FOXN3: variants seen among roughly 807,000 people sequenced by gnomAD.
FOXN3 encodes the protein forkhead box N3.
In FOXN3, 7 loss-of-function variants were observed where a neutral mutation model predicts 38.4. The ratio of observed to expected loss-of-function variants is 0.18; its 90% CI spans 0.10 to 0.34. The LOEUF (loss-of-function observed/expected upper bound fraction) is 0.34. Ranked by LOEUF, FOXN3 falls within the 10% of genes least tolerant of loss-of-function variation. The pLI is 1.00. For synonymous variants in FOXN3, 230 were observed against 242.2 expected, an observed-to-expected ratio of 0.95 and a Z score of 0.47; for missense variants, 456 against 613.4, an observed-to-expected ratio of 0.74 and a Z score of 2.71.
chr14:89,497,119 T>C (rs753793932), intron 1 of FOXN3, among the ~76,000 whole-genome samples: 3 of 151,796 alleles, frequency 2.0e-5, no homozygotes, highest in Non-Finnish European at 4.4e-5. Context: ...CACACCTAGC[T>C]AATTTTTGTA....
At chr14:89,388,665 C>T (rs1387793970) in intron 2 of FOXN3, among the ~76,000 whole-genome samples, 2 of 151,932 alleles carry the variant, frequency 1.3e-5, no homozygotes, top group East Asian at 3.9e-4. Context: ...GCCAGGAAGG[C>T]GAGCAGGAGG....
chr14:89,379,745 C>T (rs1890586045), intron 2 of FOXN3, among the ~76,000 whole-genome samples: 1 of 152,086 alleles, frequency 6.6e-6, no homozygotes, highest in Non-Finnish European at 1.5e-5. Context: ...GCCCTCCCTC[C>T]CCACCACCAG....
chr14:89,572,025 T>C (rs1223847084), intron 1 of FOXN3, among the ~76,000 whole-genome samples: 1 of 152,244 alleles, frequency 6.6e-6, no homozygotes, highest in Non-Finnish European at 1.5e-5. Context: ...AGTGAATTAA[T>C]GATTAAACTT....
At chr14:89,495,916 C>T (rs1009205667) in intron 1 of FOXN3, among the ~76,000 whole-genome samples, 4 of 152,098 alleles carry the variant, frequency 2.6e-5, no homozygotes, top group African/African-American at 4.8e-5. Context: ...CTATAGGGGC[C>T]GTGCTGCTCC....
At chr14:89,176,433 T>C (rs1244093583) in intron 5 of FOXN3, among the ~76,000 whole-genome samples, 1 of 152,220 alleles carries the variant, frequency 6.6e-6, no homozygotes, top group East Asian at 1.9e-4. Context: ...GGAAAACCTG[T>C]CACACAAAAG....
At chr14:89,522,809 C>T (rs537609727) in intron 1 of FOXN3, among the ~76,000 whole-genome samples, 2 of 149,804 alleles carry the variant, frequency 1.3e-5, no homozygotes, top group African/African-American at 4.9e-5. Context: ...AAAAAAAAAG[C>T]AATTGAGCCA....
At chr14:89,467,992 T>G (rs1413184377) in intron 1 of FOXN3, among the ~76,000 whole-genome samples, 3 of 151,650 alleles carry the variant, frequency 2.0e-5, no homozygotes. Context: ...TACTTTTTTC[T>G]TGTGGATCCT....
chr14:89,567,616 A>ACTG (rs1273627466), intron 1 of FOXN3, among the ~76,000 whole-genome samples: 2 of 152,120 alleles, frequency 1.3e-5, no homozygotes, highest in African/African-American at 4.8e-5. Context: ...CCAAGGGAAG[A>ACTG]TTATTTATTG....
chr14:89,399,655 G>A (rs561802407), intron 2 of FOXN3, among the ~76,000 whole-genome samples: 1 of 152,234 alleles, frequency 6.6e-6, no homozygotes, highest in Admixed American at 6.5e-5. Flanking sequence ...AACTGACAGC[G>A]ACTACTTTTG....
intron 4 of FOXN3, chr14:89,184,079 A>G (rs192579189): frequency 1.8e-4 from 28 of 152,320 alleles, no homozygotes; most frequent in African/African-American, 6.3e-4. Context: ...TGCTTTCTCT[A>G]CTTCAGAGGA....
At chr14:89,352,932 C>CATTTGCAG in intron 2 of FOXN3, among the ~76,000 whole-genome samples, 1 of 152,228 alleles carries the variant, frequency 6.6e-6, no homozygotes, top group South Asian at 2.1e-4. Context: ...GAAGCTGCAG[C>CATTTGCAG]GAGCGGAGAT....
chr14:89,282,263 T>C (rs927702513), intron 3 of FOXN3, among the ~76,000 whole-genome samples: 1 of 120,678 alleles, frequency 8.3e-6, no homozygotes, highest in African/African-American at 2.7e-5. Flanking sequence ...TAAACCTTGA[T>C]GTTAATGAAC....
rs558469717 is a variant in FOXN3, at chr14:89,207,336, T to TA, written c.746-26531dup. On this transcript the variant is annotated intron_variant, in intron 4 of 5. Coordinates refer to ENST00000557258, the MANE Select transcript of FOXN3 (RefSeq NM_005197.4). ...TATGGAACTTTATTTGAGTCTAGAT[T>TA]AAAAAAAAAACAACTGGCTAAAAAA... Among the ~76,000 whole-genome samples, 736 of 148,586 alleles carry TA rather than the reference T, an allele frequency of 5.0e-3. 4 individuals carry two copies. Among genetic ancestry groups the TA allele is most frequent in the Non-Finnish European group, 7.4e-3 (496 of 66,872 alleles).
At chr14:89,303,926 T>G (rs1251651690) in intron 3 of FOXN3, among the ~76,000 whole-genome samples, 2 of 152,150 alleles carry the variant, frequency 1.3e-5, no homozygotes, top group African/African-American at 2.4e-5. Context: ...CAAGACGCCT[T>G]GTAACTTTGA....
chr14:89,374,245 C>A (rs1890403433), intron 2 of FOXN3, among the ~76,000 whole-genome samples: 1 of 100,392 alleles, frequency 1.0e-5, no homozygotes, highest in Non-Finnish European at 1.8e-5. Context: ...GCCAGGGCAA[C>A]AGAGTGAGAC....
upstream of FOXN3, among the ~76,000 whole-genome samples, chr14:89,418,948 C>T (rs1186841654): frequency 1.3e-5 from 2 of 151,060 alleles, no homozygotes; most frequent in Non-Finnish European, 3.0e-5. Flanking sequence ...CCCCAAGTCC[C>T]CCAGCTACAC....
chr14:89,571,612 T>TACCACACC (rs1895492372), intron 1 of FOXN3, among the ~76,000 whole-genome samples: 1 of 152,190 alleles, frequency 6.6e-6, no homozygotes, highest in Non-Finnish European at 1.5e-5. Flanking sequence ...AGACATCATG[T>TACCACACC]ACCACACCAC....
intron 1 of FOXN3, among the ~76,000 whole-genome samples, chr14:89,500,517 G>C (rs1893773971): frequency 6.6e-6 from 1 of 152,222 alleles, no homozygotes; most frequent in East Asian, 1.9e-4. Context: ...CCCTTTGAGA[G>C]GGAAACCAAA....
At chr14:89,583,295 C>T (rs1248383420) in intron 1 of FOXN3, among the ~76,000 whole-genome samples, 2 of 152,190 alleles carry the variant, frequency 1.3e-5, no homozygotes, top group Non-Finnish European at 2.9e-5. Context: ...AGAGGTGAGG[C>T]ATCTGGGCAG....
Sources: allele counts gnomAD v4.1 joint callset (sites outside exome capture counted in the v4.1 genomes callset), GRCh38; gene constraint gnomAD v4.1.1; transcripts MANE v1.5; gene names NCBI Gene and HGNC (gene_info 2026-07-23, HGNC 2026-07-21).